Variants in MBD5 observed in about 807,000 individuals in gnomAD.
MBD5 encodes the protein methyl-CpG-binding domain protein 5.
A neutral mutation model predicts 117.3 loss-of-function variants in MBD5; 13 were observed. The ratio of observed to expected loss-of-function variants is 0.11; its 90% CI spans 0.07 to 0.18. The LOEUF (loss-of-function observed/expected upper bound fraction) is 0.18, where lower values mean the gene tolerates loss of function less well. Ranked by LOEUF, MBD5 falls within the 10% of genes least tolerant of loss-of-function variation. The probability of loss-of-function intolerance (pLI) is 1.00; values close to 1 mark genes in which losing one functional copy is unlikely to be tolerated. For missense variants in MBD5, 1,879 were observed against 2,093.8 expected (o/e 0.90, Z 2.00); for synonymous variants, 727 against 766.4 (o/e 0.95, Z 0.85).
At chr2:148,198,163 C>T (rs1901811) in intron 2 of MBD5, among the ~76,000 whole-genome samples, 44,940 of 152,046 alleles carry the variant, frequency 0.3, 8,160 homozygotes, top group East Asian at 0.46. Flanking sequence ...TAGCTATTAA[C>T]ATTTTCCTCT....
At chr2:148,094,445 G>A (rs1014111704) in intron 1 of MBD5, among the ~76,000 whole-genome samples, 1 of 152,154 alleles carries the variant, frequency 6.6e-6, no homozygotes, top group African/African-American at 2.4e-5. Context: ...CCCTCTGCAT[G>A]TTATTACTTT....
chr2:148,045,615 A>T (rs756008593), intron 1 of MBD5, among the ~76,000 whole-genome samples: 10 of 152,210 alleles, frequency 6.6e-5, no homozygotes, highest in Non-Finnish European at 8.8e-5. Context: ...TCGAGGTTAT[A>T]CAGAATGTGG....
At chr2:148,440,026 A>C (rs931960699) in intron 4 of MBD5, among the ~76,000 whole-genome samples, 1 of 152,166 alleles carries the variant, frequency 6.6e-6, no homozygotes. Context: ...GGAGTGAGCC[A>C]CCGCACCTGG....
chr2:148,260,624 T>A (rs1357793506), intron 3 of MBD5: 1 of 214,002 alleles, frequency 4.7e-6, no homozygotes. Flanking sequence ...AAAGCCAAGC[T>A]GGGATAAACA....
intron 3 of MBD5, among the ~76,000 whole-genome samples, chr2:148,265,573 T>C (rs1700837066): frequency 6.6e-6 from 1 of 152,170 alleles, no homozygotes; most frequent in Non-Finnish European, 1.5e-5. Flanking sequence ...TTTCACATTA[T>C]TGAATTACTT....
intron 1 of MBD5, among the ~76,000 whole-genome samples, chr2:148,037,463 A>G (rs1694225739): frequency 1.3e-5 from 2 of 152,096 alleles, no homozygotes; most frequent in South Asian, 4.1e-4. Flanking sequence ...AAAAATATCA[A>G]GTTATATTTA....
intron 1 of MBD5, among the ~76,000 whole-genome samples, chr2:148,167,171 C>G (rs1450514186): frequency 6.6e-6 from 1 of 152,084 alleles, no homozygotes; most frequent in East Asian, 1.9e-4. Flanking sequence ...AACATATCTA[C>G]AGGAAAAGAA....
chr2:148,143,174 C>T (rs1443395595), intron 1 of MBD5, among the ~76,000 whole-genome samples: 1 of 152,196 alleles, frequency 6.6e-6, no homozygotes, highest in Admixed American at 6.5e-5. Context: ...GAAAGTGCAA[C>T]TTTAAACAAC....
chr2:148,033,122 C>G (rs1694088160), intron 1 of MBD5, among the ~76,000 whole-genome samples: 1 of 151,832 alleles, frequency 6.6e-6, no homozygotes, highest in Non-Finnish European at 1.5e-5. Flanking sequence ...GTCGAGCAAA[C>G]CAAGGTAGAA....
chr2:148,203,982 A>C (rs1699210961), intron 2 of MBD5, among the ~76,000 whole-genome samples: 1 of 152,184 alleles, frequency 6.6e-6, no homozygotes, highest in Admixed American at 6.5e-5. Context: ...CCTATTTTAG[A>C]GTATAAGGGT....
chr2:148,203,251 C>A (rs567525816), intron 2 of MBD5, among the ~76,000 whole-genome samples: 1 of 152,040 alleles, frequency 6.6e-6, no homozygotes, highest in African/African-American at 2.4e-5. Flanking sequence ...GTACATGCAA[C>A]AAAGAAGATG....
chr2:148,510,369 G>A (rs960223279), intron 13 of MBD5, among the ~76,000 whole-genome samples: 1 of 152,158 alleles, frequency 6.6e-6, no homozygotes, highest in Non-Finnish European at 1.5e-5. Flanking sequence ...GCCACATAAC[G>A]TTCGTTTAAA....
intron 4 of MBD5, among the ~76,000 whole-genome samples, chr2:148,451,241 G>C (rs7584494): frequency 3.3e-5 from 5 of 152,084 alleles, no homozygotes; most frequent in African/African-American, 1.2e-4. Context: ...CTTACAAAGG[G>C]TGTATCTGAG....
chr2:148,478,216 G>A (rs761414861), intron 8 of MBD5, among the ~76,000 whole-genome samples: 19 of 152,236 alleles, frequency 1.2e-4, no homozygotes, highest in African/African-American at 2.2e-4. Context: ...AAATTTACTC[G>A]TGCTGTCATG....
At chr2:148,451,728 G>A (rs1260694243) in intron 4 of MBD5, among the ~76,000 whole-genome samples, 4 of 152,194 alleles carry the variant, frequency 2.6e-5, no homozygotes, top group East Asian at 1.9e-4. Context: ...ACATAAAGGC[G>A]GGTTTTATGT....
chr2:148,392,246 C>G (rs144939079), intron 4 of MBD5, among the ~76,000 whole-genome samples: 38 of 152,260 alleles, frequency 2.5e-4, no homozygotes, highest in Non-Finnish European at 4.0e-4. Context: ...ATCCAAATTT[C>G]AAATCTTTGT....
At chr2:148,303,844 ATATT>A (rs1430913232) in intron 3 of MBD5, among the ~76,000 whole-genome samples, 1 of 152,204 alleles carries the variant, frequency 6.6e-6, no homozygotes, top group Non-Finnish European at 1.5e-5. Context: ...TTGTAAGAAA[ATATT>A]TACTGGTATC....
chr2:148,074,419 T>C (rs564296426), intron 1 of MBD5, among the ~76,000 whole-genome samples: 1 of 152,238 alleles, frequency 6.6e-6, no homozygotes, highest in East Asian at 1.9e-4. Context: ...TTATAGGTTA[T>C]ACTATTTCCT....
At chr2:148,253,182 G>A (rs1460265160) in intron 3 of MBD5, among the ~76,000 whole-genome samples, 1 of 152,136 alleles carries the variant, frequency 6.6e-6, no homozygotes, top group Non-Finnish European at 1.5e-5. Flanking sequence ...CTAGGAGATT[G>A]TAACACCATC....
Sources: allele counts gnomAD v4.1 joint callset (sites outside exome capture counted in the v4.1 genomes callset), GRCh38; gene constraint gnomAD v4.1.1; transcripts MANE v1.5; gene names NCBI Gene and HGNC (gene_info 2026-07-23, HGNC 2026-07-21).